Variants in OPCML observed in about 807,000 individuals in gnomAD.
OPCML encodes opioid-binding protein/cell adhesion molecule.
Under a neutral mutation model 37.8 loss-of-function variants are expected in OPCML, and 13 were observed. The observed-to-expected ratio is 0.34, with a 90% CI of 0.22 to 0.55. The LOEUF is 0.55. Among genes scored for constraint, OPCML ranks in the 20% least tolerant of loss-of-function variants. The pLI is 0.91. For synonymous variants in OPCML, 176 were observed against 168.8 expected (o/e 1.04, Z -0.33); for missense variants, 341 against 435.6 (o/e 0.78, Z 1.93).
At chr11:133,421,051 A>G (rs1228461349) in intron 1 of OPCML, 1 of 984,014 alleles carries the variant, frequency 1.0e-6, no homozygotes, top group East Asian at 1.1e-4. Flanking sequence ...TTGTCCTGAG[A>G]TCAATAATCA....
At chr11:132,995,591 G>T (rs768247320) in intron 1 of OPCML, among the ~76,000 whole-genome samples, 47 of 152,038 alleles carry the variant, frequency 3.1e-4, no homozygotes, top group Non-Finnish European at 5.1e-4. Context: ...AAAAGAATTA[G>T]ATTATTTAAA....
At chr11:133,207,904 G>C (rs895450112) in intron 1 of OPCML, among the ~76,000 whole-genome samples, 1 of 133,726 alleles carries the variant, frequency 7.5e-6, no homozygotes, top group Non-Finnish European at 1.5e-5. Context: ...CCTGTAACAC[G>C]CTCTGTTTTA....
intron 4 of OPCML, among the ~76,000 whole-genome samples, chr11:132,485,591 C>T (rs1191079492): frequency 6.6e-6 from 1 of 152,222 alleles, no homozygotes; most frequent in Non-Finnish European, 1.5e-5. Context: ...TGATCAATTT[C>T]TCCTACTATG....
intron 1 of OPCML, chr11:133,008,500 C>G (rs1230299877): frequency 1.1e-6 from 1 of 877,518 alleles, no homozygotes; most frequent in East Asian, 1.2e-4. Context: ...ACGTATTTCT[C>G]CAGGTGCCAG....
At chr11:133,326,262 G>T (rs915076792) in intron 1 of OPCML, among the ~76,000 whole-genome samples, 8 of 146,360 alleles carry the variant, frequency 5.5e-5, no homozygotes, top group Non-Finnish European at 1.2e-4. Flanking sequence ...GTGTATGTGG[G>T]GTGTGTGTAT....
At chr11:132,696,437 G>T (rs1421494268) in intron 2 of OPCML, among the ~76,000 whole-genome samples, 2 of 152,076 alleles carry the variant, frequency 1.3e-5, no homozygotes, top group Non-Finnish European at 2.9e-5. Context: ...AAGAAACAGG[G>T]AACAGGAGAA....
chr11:132,749,704 T>G (rs1945765835), intron 2 of OPCML, among the ~76,000 whole-genome samples: 2 of 152,200 alleles, frequency 1.3e-5, no homozygotes, highest in South Asian at 4.1e-4. Flanking sequence ...AGAACTGAGC[T>G]CTGAGAAATC....
At chr11:132,459,020 G>A (rs1412241169) in intron 4 of OPCML, among the ~76,000 whole-genome samples, 1 of 152,194 alleles carries the variant, frequency 6.6e-6, no homozygotes, top group Non-Finnish European at 1.5e-5. Context: ...GTCAATGAAT[G>A]TTTTGTACTC....
At chr11:132,628,847 G>A (rs1171479157) in intron 3 of OPCML, among the ~76,000 whole-genome samples, 1 of 152,050 alleles carries the variant, frequency 6.6e-6, no homozygotes, top group Non-Finnish European at 1.5e-5. Context: ...TTCCGTCTTT[G>A]CTTGGCACTT....
intron 1 of OPCML, among the ~76,000 whole-genome samples, chr11:133,165,682 G>A (rs539775677): frequency 5.3e-5 from 8 of 152,248 alleles, no homozygotes; most frequent in African/African-American, 9.6e-5. Flanking sequence ...TGTGTTTTAC[G>A]TTTGTTTTGT....
intron 1 of OPCML, among the ~76,000 whole-genome samples, chr11:133,027,911 CAG>C (rs1947594771): frequency 1.4e-5 from 2 of 141,924 alleles, no homozygotes; most frequent in African/African-American, 5.3e-5. Flanking sequence ...GGACAGCTGA[CAG>C]AGATGGCTAC....
intron 2 of OPCML, among the ~76,000 whole-genome samples, chr11:132,836,717 G>T (rs1941020411): frequency 6.6e-6 from 1 of 152,120 alleles, no homozygotes; most frequent in Admixed American, 6.5e-5. Flanking sequence ...TGAGCTAGAG[G>T]CAAGGATATG....
intron 2 of OPCML, among the ~76,000 whole-genome samples, chr11:132,783,290 A>C (rs1947096770): frequency 1.3e-5 from 2 of 152,246 alleles, no homozygotes; most frequent in South Asian, 4.2e-4. Flanking sequence ...TGACTTCCAG[A>C]GTCACACATT....
At chr11:133,258,529 A>G (rs1282778907) in intron 1 of OPCML, among the ~76,000 whole-genome samples, 2 of 152,134 alleles carry the variant, frequency 1.3e-5, no homozygotes, top group African/African-American at 4.8e-5. Context: ...GGTCCACCAG[A>G]GGTTATGATG....
chr11:132,429,384 C>T (rs573250782), intron 7 of OPCML, among the ~76,000 whole-genome samples: 4 of 152,166 alleles, frequency 2.6e-5, no homozygotes, highest in South Asian at 2.1e-4. Context: ...CCATGTGAGA[C>T]GTGTGCCACA....
intron 1 of OPCML, among the ~76,000 whole-genome samples, chr11:133,062,552 A>C (rs2136991841): frequency 6.6e-6 from 1 of 152,284 alleles, no homozygotes; most frequent in African/African-American, 2.4e-5. Flanking sequence ...ATTTTGGTAA[A>C]GGTCTTGGTT....
intron 1 of OPCML, among the ~76,000 whole-genome samples, chr11:133,102,026 G>C (rs1283751796): frequency 6.6e-6 from 1 of 152,210 alleles, no homozygotes; most frequent in Non-Finnish European, 1.5e-5. Context: ...AAACTTTGGA[G>C]GCAGTAAGAA....
At chr11:132,690,774 G>T (rs751346227) in intron 2 of OPCML, among the ~76,000 whole-genome samples, 6 of 152,264 alleles carry the variant, frequency 3.9e-5, no homozygotes, top group Non-Finnish European at 8.8e-5. Context: ...GGTTAATAAA[G>T]CCTAAGAAAG....
intron 1 of OPCML, among the ~76,000 whole-genome samples, chr11:133,499,468 G>C (rs1947858290): frequency 6.6e-6 from 1 of 152,064 alleles, no homozygotes; most frequent in South Asian, 2.1e-4. Context: ...TCCTGTGGGG[G>C]AGAAATGGAA....
Sources: allele counts gnomAD v4.1 joint callset (sites outside exome capture counted in the v4.1 genomes callset), GRCh38; gene constraint gnomAD v4.1.1; transcripts MANE v1.5; gene names NCBI Gene and HGNC (gene_info 2026-07-23, HGNC 2026-07-21).